The following ATP10D variants were observed in gnomAD, a reference collection of about 807,000 sequenced individuals.
ATP10D encodes ATPase phospholipid transporting 10D (putative).
Under a neutral mutation model 144.8 loss-of-function variants are expected in ATP10D, and 89 were observed. That is an observed-to-expected ratio of 0.61 (90% CI 0.52 to 0.73). The LOEUF is 0.73. ATP10D is among the 30% of genes least tolerant of loss of function. ATP10D has a pLI of 0.00. For synonymous variants in ATP10D, 571 were observed against 615.1 expected (o/e 0.93, Z 1.06); for missense variants, 1,603 against 1,714.8 (o/e 0.93, Z 1.15).
chr4:47,517,535 T>G (rs1716753133), intron 3 of ATP10D, among the ~76,000 whole-genome samples: 2 of 152,194 alleles, frequency 1.3e-5, no homozygotes, highest in Non-Finnish European at 2.9e-5. Flanking sequence ...TGTGCAACCT[T>G]GGGCAATTTA....
intron 1 of ATP10D, among the ~76,000 whole-genome samples, chr4:47,506,224 A>T (rs1393263057): frequency 6.6e-6 from 1 of 152,222 alleles, no homozygotes; most frequent in East Asian, 1.9e-4. Flanking sequence ...GGAGCCAATG[A>T]TTGGACATGT....
In ATP10D at chr4:47,572,935, C is replaced by T; in HGVS notation, c.3304C>T (p.His1102Tyr). 1 of 1,614,060 alleles carries T rather than the reference C, an allele frequency of 6.2e-7. No homozygotes were observed. Among genetic ancestry groups the T allele is most frequent in the East Asian group, 2.2e-5 (1 of 44,874 alleles). Residue 1102 changes from histidine to tyrosine, a missense_variant, in exon 18 of 23, where the codon CAT (histidine) becomes TAT (tyrosine). His to Tyr is a moderately conservative substitution (Grantham distance 83, BLOSUM62 2). Coordinates refer to ENST00000273859, the MANE Select transcript of ATP10D (RefSeq NM_020453.4). ...ACATCTCAGCAAGCTCCTTCTTGTC[C>T]ATGGACACTGGTGTTATACACGGCT... ...FKHLSKLLLV[H>Y]GHWCYTRLSN...
rs1441700314 is a variant in ATP10D, at chr4:47,536,008, C to T, written c.990C>T (p.Val330=). Residue 330 remains valine (V), a synonymous_variant, in exon 7 of 23, where the codon GTC becomes GTT. Transcript: ENST00000273859. ...TDVLWCVMLL[V]IMCLTGAVGH... ...TCCTCTGGTGTGTCATGCTTCTGGT[C>T]ATAATGTGCTTAACTGGCGCAGTAG... is the stretch of plus-strand genomic sequence containing the variant. 1 of 1,612,190 alleles carries T rather than the reference C, an allele frequency of 6.2e-7. No individual in the cohort carries two copies. Among genetic ancestry groups the T allele is most frequent in the South Asian group, 1.1e-5 (1 of 90,694 alleles).
At chr4:47,587,290 T>G in intron 22 of ATP10D, 84 bp downstream of exon 22, 1 of 1,246,540 alleles carries the variant, frequency 8.0e-7, no homozygotes, top group Non-Finnish European at 1.1e-6. Flanking sequence ...TACGAATGGT[T>G]GGCAGCCCAC....
At chr4:47,549,327 A>G (rs1391590796) in intron 10 of ATP10D, among the ~76,000 whole-genome samples, 2 of 152,144 alleles carry the variant, frequency 1.3e-5, no homozygotes, top group Admixed American at 6.5e-5. Flanking sequence ...AGTTCCAAGT[A>G]CATTCCATCT....
At position 47,509,210 on chromosome 4, in the gene ATP10D, A is replaced by G. The variant is rs186790500; in HGVS notation, c.-37-3294A>G. ...GTTTTCTTCTTCTTTTTTAAATCTG[A>G]TATTTTCAAACATTGAAAATATTAT... On this transcript the variant is annotated intron_variant, in intron 1 of 22. Transcript: ENST00000273859. Among the ~76,000 whole-genome samples, 56 of 149,014 alleles carry G rather than the reference A, an allele frequency of 3.8e-4. No homozygotes were observed. In the East Asian group the frequency reaches 9.9e-3, roughly 26 times the overall value.
At chr4:47,493,326 G>C (rs544807601) in intron 1 of ATP10D, among the ~76,000 whole-genome samples, 1 of 152,276 alleles carries the variant, frequency 6.6e-6, no homozygotes, top group Non-Finnish European at 1.5e-5. Context: ...GATTTTTCCA[G>C]TTTATGATGA....
chr4:47,504,116 C>A (rs1409149056), intron 1 of ATP10D, among the ~76,000 whole-genome samples: 1 of 152,040 alleles, frequency 6.6e-6, no homozygotes, highest in Non-Finnish European at 1.5e-5. Flanking sequence ...CTGATTCATT[C>A]CACCCAATGG....
intron 1 of ATP10D, among the ~76,000 whole-genome samples, chr4:47,497,327 T>C (rs1461448832): frequency 4.6e-5 from 7 of 152,082 alleles, no homozygotes; most frequent in Non-Finnish European, 1.0e-4. Context: ...TGGTGGCATG[T>C]GCCTGTAATC....
At chr4:47,491,399 T>C (rs2109379917) in intron 1 of ATP10D, 1 of 727,398 alleles carries the variant, frequency 1.4e-6, no homozygotes, top group Non-Finnish European at 2.5e-6. Context: ...CAACTCCATG[T>C]TTTCTAAAAG....
chr4:47,546,876 C>T lies in ATP10D; in HGVS notation c.1635+14C>T, dbSNP rs758876246. On this transcript the variant is annotated intron_variant, in intron 10 of 22. Coordinates refer to ENST00000273859, the MANE Select transcript of ATP10D (RefSeq NM_020453.4). ...AGTAGCCCCATTGTAAGTATGAATG[C>T]ATGACTAGAGTCTTGCACATCCACA... 100 of 1,600,326 alleles carry T rather than the reference C, an allele frequency of 6.2e-5. No individual in the cohort carries two copies. Among genetic ancestry groups the T allele is most frequent in the Non-Finnish European group, 8.1e-5 (95 of 1,169,268 alleles).
rs185741884 is a variant in ATP10D at position 47,555,591 on chromosome 4, A to G, written c.1824+677A>G. On this transcript the variant is annotated intron_variant, in intron 11 of 22. Coordinates refer to ENST00000273859, the MANE Select transcript of ATP10D (RefSeq NM_020453.4). ...AAATACAGCTCGGTGCTACTATATT[A>G]TTTGCCTCTAAGAGGGTAGTGATGA... 9.6e-4 allele frequency among the ~76,000 whole-genome samples: 146 copies of G among 152,154 alleles called. No individual in the cohort carries two copies. In the South Asian group the frequency reaches 0.015, roughly 15 times the overall value.
intron 14 of ATP10D, among the ~76,000 whole-genome samples, chr4:47,563,211 C>G (rs2109453936): frequency 6.6e-6 from 1 of 152,252 alleles, no homozygotes; most frequent in South Asian, 2.1e-4. Context: ...TTTGTGCCCC[C>G]TAAGTCTATA....
At position 47,591,053 on chromosome 4, in the gene ATP10D, GA is replaced by G; in HGVS notation, c.3954del (p.Val1319PhefsTer12). 6.2e-7 allele frequency: 1 copy of G among 1,603,334 alleles called. No homozygotes were observed. The highest frequency in any genetic ancestry group is 8.5e-7 in the Non-Finnish European group (1 of 1,174,842). ...TCCTTGTCACCTAGGTTTGTATACAGAGTTCTTCAGGGATCCCTGTTTCCAT... is the reference window on the plus strand; with the variant it reads ...TCCTTGTCACCTAGGTTTGTATACAGGTTCTTCAGGGATCCCTGTTTCCAT... ...SIALLPRFVY[R>X]VLQGSLFPSP... On this transcript the variant is annotated frameshift_variant, in exon 23 of 23. Coordinates refer to ENST00000273859, the MANE Select transcript of ATP10D (RefSeq NM_020453.4). LOFTEE classifies it low-confidence loss of function (END_TRUNC).
At chr4:47,574,296 G>A (rs534974726) in intron 18 of ATP10D, among the ~76,000 whole-genome samples, 4 of 152,258 alleles carry the variant, frequency 2.6e-5, no homozygotes, top group Non-Finnish European at 5.9e-5. Flanking sequence ...TCAGGACCTC[G>A]GTGATCTTCC....
In ATP10D at chr4:47,581,975, G is replaced by T. The variant is rs758828166; in HGVS notation, c.3664G>T (p.Asp1222Tyr). 8.7e-6 allele frequency: 14 copies of T among 1,613,940 alleles called. 1 individual carries two copies. The Middle Eastern group carries it at 4.9e-4, about 57-fold the overall frequency. ...FVPYFTYQGS[D>Y]TDIFAFGNPL... ...CTCTTTGTAGACCTACCAGGGCTCA[G>T]ATACTGACATCTTTGCATTTGGAAA... is the stretch of plus-strand genomic sequence containing the variant. Residue 1222 changes from aspartate to tyrosine, a missense_variant, in exon 21 of 23, where the codon GAT becomes TAT. By Grantham distance (160) the Asp-to-Tyr change is radical (BLOSUM62 -3). Coordinates refer to ENST00000273859, the MANE Select transcript of ATP10D (RefSeq NM_020453.4).
intron 3 of ATP10D, among the ~76,000 whole-genome samples, chr4:47,521,657 C>A (rs140181496): frequency 1.9e-4 from 29 of 152,274 alleles, no homozygotes; most frequent in African/African-American, 7.0e-4. Flanking sequence ...GAATGAAATT[C>A]CTACTCCTAG....
intron 5 of ATP10D, among the ~76,000 whole-genome samples, chr4:47,526,778 T>A (rs1717268024): frequency 6.6e-6 from 1 of 151,946 alleles, no homozygotes; most frequent in Admixed American, 6.6e-5. Context: ...ATCAGAAAAA[T>A]GGAATGCTTA....
At chr4:47,562,717 T>C (rs2109453290) in intron 14 of ATP10D, among the ~76,000 whole-genome samples, 1 of 152,222 alleles carries the variant, frequency 6.6e-6, no homozygotes, top group Non-Finnish European at 1.5e-5. Flanking sequence ...AAGAAATCAT[T>C]ATATCAAAAA....
Sources: gnomAD v4.1 joint callset for allele counts (sites outside exome capture counted in the v4.1 genomes callset) on GRCh38, gnomAD v4.1.1 for gene constraint, MANE v1.5 for transcripts, NCBI Gene and HGNC (gene_info 2026-07-23, HGNC 2026-07-21) for gene names.